The following CTNNA3 variants were observed in gnomAD, a reference collection of about 807,000 sequenced individuals.
CTNNA3 encodes catenin alpha 3, also known as catenin alpha-3.
Under a neutral mutation model 95.7 loss-of-function variants are expected in CTNNA3, and 76 were observed. That is an observed-to-expected ratio of 0.79 (90% CI 0.66 to 0.96). The LOEUF is 0.96. Among genes scored for constraint, CTNNA3 ranks in the 40% least tolerant of loss-of-function variants. CTNNA3 has a pLI of 0.00. For missense variants in CTNNA3, 1,191 were observed against 1,089.8 expected (o/e 1.09, Z -1.31); for synonymous variants, 431 against 374.4 (o/e 1.15, Z -1.74).
chr10:66,408,420 C>A (rs534840302), intron 11 of CTNNA3, among the ~76,000 whole-genome samples: 1 of 152,006 alleles, frequency 6.6e-6, no homozygotes, highest in Non-Finnish European at 1.5e-5. Context: ...CACAAAACCT[C>A]GACCACATGA....
upstream of CTNNA3, among the ~76,000 whole-genome samples, chr10:67,698,249 A>AGAGAG (rs147088597): frequency 6.6e-6 from 1 of 151,560 alleles, no homozygotes; most frequent in African/African-American, 2.4e-5. Flanking sequence ...GGAAAAAAAA[A>AGAGAG]AGAGAGAAAA....
intron 10 of CTNNA3, among the ~76,000 whole-genome samples, chr10:66,570,775 C>T (rs1842847732): frequency 6.6e-6 from 1 of 151,446 alleles, no homozygotes; most frequent in Middle Eastern, 3.4e-3. Flanking sequence ...TTTTTTAAAC[C>T]ACATAAACTG....
intron 11 of CTNNA3, among the ~76,000 whole-genome samples, chr10:66,444,696 A>G (rs1270054243): frequency 6.6e-6 from 1 of 152,194 alleles, no homozygotes; most frequent in Non-Finnish European, 1.5e-5. Flanking sequence ...GAAAGCAACA[A>G]CCGGTACCAG....
chr10:67,577,179 A>G (rs1408313305), intron 3 of CTNNA3, among the ~76,000 whole-genome samples: 1 of 151,526 alleles, frequency 6.6e-6, no homozygotes, highest in Admixed American at 6.6e-5. Context: ...AACAGTGTAA[A>G]ATTGTTCCTA....
At chr10:66,493,554 T>G (rs555839420) in intron 11 of CTNNA3, among the ~76,000 whole-genome samples, 13 of 152,098 alleles carry the variant, frequency 8.5e-5, no homozygotes, top group African/African-American at 2.2e-4. Flanking sequence ...TTTTAATTTT[T>G]TTGTTGTTGT....
chr10:67,051,084 A>G (rs1855060856), intron 7 of CTNNA3, among the ~76,000 whole-genome samples: 1 of 152,214 alleles, frequency 6.6e-6, no homozygotes, highest in Admixed American at 6.5e-5. Context: ...TACAGATACA[A>G]ATTAACCAAT....
intron 7 of CTNNA3, among the ~76,000 whole-genome samples, chr10:67,074,342 CTTTTTTTTTTT>C (rs36186252): frequency 4.4e-5 from 3 of 68,726 alleles, no homozygotes; most frequent in African/African-American, 1.4e-4. Flanking sequence ...CACTTTAACT[CTTTTTTTTTTT>C]TTTTTTTTTT....
At chr10:67,128,439 T>C (rs529926376) in intron 7 of CTNNA3, among the ~76,000 whole-genome samples, 31 of 148,346 alleles carry the variant, frequency 2.1e-4, no homozygotes, top group Admixed American at 1.9e-3. Flanking sequence ...AATCTGATCC[T>C]TTTTTTTTTA....
intron 7 of CTNNA3, among the ~76,000 whole-genome samples, chr10:66,843,252 G>A (rs1302788246): frequency 6.6e-6 from 1 of 152,100 alleles, no homozygotes; most frequent in African/African-American, 2.4e-5. Context: ...CACGATCACA[G>A]GGGATCAGTA....
chr10:67,366,865 A>G (rs1451865328), intron 5 of CTNNA3, among the ~76,000 whole-genome samples: 3 of 152,340 alleles, frequency 2.0e-5, no homozygotes, highest in African/African-American at 7.2e-5. Context: ...CATTAACTCA[A>G]GATGGATTAA....
At chr10:66,962,225 C>A (rs1849148948) in intron 7 of CTNNA3, among the ~76,000 whole-genome samples, 1 of 152,110 alleles carries the variant, frequency 6.6e-6, no homozygotes, top group Non-Finnish European at 1.5e-5. Flanking sequence ...CAAGGCCTAA[C>A]AGAATTTCAT....
At chr10:65,999,166 C>T (rs1454765126) in intron 15 of CTNNA3, among the ~76,000 whole-genome samples, 1 of 152,064 alleles carries the variant, frequency 6.6e-6, no homozygotes, top group Non-Finnish European at 1.5e-5. Context: ...ATGTTACGTA[C>T]ATGGTTATGT....
intron 15 of CTNNA3, among the ~76,000 whole-genome samples, chr10:66,022,147 C>G (rs1261915428): frequency 6.6e-6 from 1 of 152,066 alleles, no homozygotes; most frequent in Non-Finnish European, 1.5e-5. Context: ...CTTGAGCCAC[C>G]ATGCCCAGCC....
At chr10:66,735,153 G>T (rs1380336360) in intron 9 of CTNNA3, among the ~76,000 whole-genome samples, 1 of 151,574 alleles carries the variant, frequency 6.6e-6, no homozygotes, top group African/African-American at 2.4e-5. Flanking sequence ...ATTGAATTTT[G>T]CTATCTATAA....
chr10:66,097,169 G>C (rs763526599), intron 14 of CTNNA3, among the ~76,000 whole-genome samples: 1 of 151,992 alleles, frequency 6.6e-6, no homozygotes, highest in East Asian at 1.9e-4. Flanking sequence ...CCTTCTTGAG[G>C]CAAAAAATAA....
intron 5 of CTNNA3, among the ~76,000 whole-genome samples, chr10:67,447,577 A>G (rs1589299536): frequency 6.6e-6 from 1 of 151,830 alleles, no homozygotes; most frequent in East Asian, 1.9e-4. Flanking sequence ...CACCACTACC[A>G]CCCATATCTG....
chr10:67,214,376 C>T (rs1864262077), intron 6 of CTNNA3, among the ~76,000 whole-genome samples: 1 of 151,546 alleles, frequency 6.6e-6, no homozygotes, highest in South Asian at 2.1e-4. Flanking sequence ...TATTTTTATC[C>T]TTCCCCAAAA....
chr10:67,070,941 A>G (rs979102735), intron 7 of CTNNA3, among the ~76,000 whole-genome samples: 1 of 152,020 alleles, frequency 6.6e-6, no homozygotes, highest in African/African-American at 2.4e-5. Flanking sequence ...ACTTTCTTTT[A>G]CTGTTCTTTT....
chr10:66,084,154 A>AAAAAAG lies in CTNNA3; in HGVS notation c.1978-14666_1978-14665insCTTTTT, dbSNP rs1564627073. ...TCATCTCAAAAAAAAAAAAGAAAAA[A>AAAAAAG]AAAGAAAAAGAAAAAAAGAAAAGGA... On this transcript the variant is annotated intron_variant, in intron 14 of 17. Coordinates refer to ENST00000433211, the MANE Select transcript of CTNNA3 (RefSeq NM_013266.4). Among the ~76,000 whole-genome samples the AAAAAAG allele has an allele frequency of 1.2e-3, 169 of 141,316 alleles. 1 individual carries two copies. The highest frequency in any genetic ancestry group is 2.8e-3 in the East Asian group (13 of 4,594). 92.7% of individuals were successfully genotyped at this position (141,316 alleles called of 152,430 possible). A position where few individuals can be genotyped will look rare whatever the true frequency, so the allele number is the denominator to read the frequency against.
Sources: allele counts gnomAD v4.1 joint callset (sites outside exome capture counted in the v4.1 genomes callset), GRCh38; gene constraint gnomAD v4.1.1; transcripts MANE v1.5; gene names NCBI Gene and HGNC (gene_info 2026-07-23, HGNC 2026-07-21).